Variants in GAS6 observed in about 807,000 individuals in gnomAD.
GAS6 encodes growth arrest-specific protein 6.
Under a neutral mutation model 75.8 loss-of-function variants are expected in GAS6, and 41 were observed. The ratio of observed to expected loss-of-function variants is 0.54; its 90% CI spans 0.42 to 0.70. GAS6 has a LOEUF of 0.70. Ranked by LOEUF, GAS6 falls within the 30% of genes least tolerant of loss-of-function variation. The pLI, the probability that GAS6 is intolerant of heterozygous loss-of-function variation, is 0.00. For missense variants in GAS6, 854 were observed against 940.2 expected (o/e 0.91, Z 1.20); for synonymous variants, 432 against 412.6 (o/e 1.05, Z -0.57).
At position 113,824,878 on chromosome 13, in the gene GAS6, C is replaced by A. The variant is rs7399621; in HGVS notation, c.1478-1328G>T. 5.9e-5 allele frequency among the ~76,000 whole-genome samples: 9 copies of A among 151,936 alleles called. 1 individual carries two copies. The highest frequency in any genetic ancestry group is 5.2e-4 in the Admixed American group (8 of 15,282). ...TAACAACAAAAAGTCTCCTGTTTGCCGGTCTTCCCATAACCTGTGAAGGGA... is the reference window on the plus strand; with the variant it reads ...TAACAACAAAAAGTCTCCTGTTTGCAGGTCTTCCCATAACCTGTGAAGGGA... On this transcript the variant is annotated intron_variant, in intron 12 of 14. Coordinates refer to ENST00000327773, the MANE Select transcript of GAS6 (RefSeq NM_000820.4).
At position 113,863,791 on chromosome 13, in the gene GAS6, T is replaced by A; in HGVS notation, c.88+42A>T. 1 of 1,401,256 alleles carries A rather than the reference T, an allele frequency of 7.1e-7. No individual in the cohort carries two copies. Among genetic ancestry groups the A allele is most frequent in the Non-Finnish European group, 9.2e-7 (1 of 1,089,384 alleles). The allele number at this position is 1,401,256 out of a possible 1,614,324, so 86.8% of individuals were successfully genotyped here. Reference sequence around the variant, plus strand: ...GCGTCAAGCCGCGCCCGGAGCCTCCTCCCGCCGCCCGGGGACGGGGTCTCG... The same window carrying A: ...GCGTCAAGCCGCGCCCGGAGCCTCCACCCGCCGCCCGGGGACGGGGTCTCG... On this transcript the variant is annotated intron_variant, in intron 1 of 14. Coordinates refer to ENST00000327773, the MANE Select transcript of GAS6 (RefSeq NM_000820.4). This position sits in a 1 kb window ranked among gnomAD's most constrained non-coding sequence, Gnocchi z 9.4.
At chr13:113,824,973 AT>A (rs1429552235) in intron 12 of GAS6, among the ~76,000 whole-genome samples, 1 of 152,038 alleles carries the variant, frequency 6.6e-6, no homozygotes, top group Non-Finnish European at 1.5e-5. Context: ...AATCCTAGCA[AT>A]TTGGGAGGCT....
intron 2 of GAS6, among the ~76,000 whole-genome samples, chr13:113,858,845 GTA>G (rs961653537): frequency 8.6e-6 from 1 of 115,690 alleles, no homozygotes; most frequent in African/African-American, 4.9e-5. Context: ...ATGTCTGTTA[GTA>G]TGTGTGTCAT....
At chr13:113,856,199 C>T (rs1481789496) in intron 2 of GAS6, among the ~76,000 whole-genome samples, 5 of 152,234 alleles carry the variant, frequency 3.3e-5, no homozygotes, top group Admixed American at 6.5e-5. Flanking sequence ...GTGCTTTATG[C>T]GCCCACACCA....
intron 11 of GAS6, among the ~76,000 whole-genome samples, chr13:113,827,827 C>T (rs191926793): frequency 1.5e-3 from 224 of 152,272 alleles, no homozygotes; most frequent in Non-Finnish European, 2.1e-3. Flanking sequence ...GGGGCACGGG[C>T]GTGTGCTGTG....
Position 113,838,139 on chromosome 13 carries a change from G to C in GAS6, c.519C>G (p.Asn173Lys), listed in dbSNP as rs2051736316. 2 of 1,612,826 alleles carry C rather than the reference G, an allele frequency of 1.2e-6. No homozygotes were observed. The highest frequency in any genetic ancestry group is 8.5e-7 in the Non-Finnish European group (1 of 1,179,928). Reference protein sequence around the residue: ...ENGGCLQICHNKPGSFHCSCH... With the variant: ...ENGGCLQICHKKPGSFHCSCH... Reference sequence around the variant, plus strand: ...AGGAACAGTGGAAGCTACCCGGCTTGTTGTGGCAGATCTGGAGGCAGCCCC... The same window carrying C: ...AGGAACAGTGGAAGCTACCCGGCTTCTTGTGGCAGATCTGGAGGCAGCCCC... Residue 173 changes from asparagine (N) to lysine (K), a missense_variant, in exon 6 of 15, where the codon AAC becomes AAG. Transcript: ENST00000327773.
In GAS6 at chr13:113,835,968, C is replaced by T. The variant is rs979951151; in HGVS notation, c.590-333G>A. 6 of 1,082,250 alleles carry T rather than the reference C, an allele frequency of 5.5e-6. No individual in the cohort carries two copies. In the South Asian group the frequency reaches 1.3e-4, roughly 23 times the overall value. 67.0% of individuals were successfully genotyped at this position (1,082,250 alleles called of 1,614,324 possible). A position where few individuals can be genotyped will look rare whatever the true frequency, so the allele number is the denominator to read the frequency against. ...ATGACGGTGCTACAGGACACGGGGC[C>T]GTAAAAAGTAACCCCCCGGGGGCAT... On this transcript the variant is annotated intron_variant, in intron 6 of 14. Coordinates refer to ENST00000327773, the MANE Select transcript of GAS6 (RefSeq NM_000820.4).
chr13:113,846,683 C>T, intron 3 of GAS6, 94 bp from the exon 4 acceptor site: 1 of 977,470 alleles, frequency 1.0e-6, no homozygotes, highest in East Asian at 2.4e-5. Flanking sequence ...GAGGCAGTTA[C>T]TCTGCTTACC....
chr13:113,826,261 G>A (rs910095238), intron 12 of GAS6, among the ~76,000 whole-genome samples: 1 of 152,200 alleles, frequency 6.6e-6, no homozygotes, highest in East Asian at 1.9e-4. Context: ...CTGTCTCACC[G>A]GGTCATCGGT....
chr13:113,828,127 G>A (rs186877688), intron 11 of GAS6, among the ~76,000 whole-genome samples: 2,075 of 152,220 alleles, frequency 0.014, 25 homozygotes, highest in Non-Finnish European at 0.023. Context: ...AGCCGGACGT[G>A]GTGGCGGGCG....
chr13:113,859,555 C>T (rs547701780), intron 2 of GAS6, among the ~76,000 whole-genome samples: 3 of 149,450 alleles, frequency 2.0e-5, no homozygotes, highest in Admixed American at 2.0e-4. Context: ...TGTGTGTGTA[C>T]GTATATCTAT....
chr13:113,847,727 G>A (rs764502393), intron 3 of GAS6: 5 of 425,530 alleles, frequency 1.2e-5, no homozygotes, highest in African/African-American at 4.1e-5. Flanking sequence ...TCAGAAAACC[G>A]GAGGACAAAA....
chr13:113,824,389 G>C lies in GAS6; in HGVS notation c.1478-839C>G, dbSNP rs1200839063. 2.8e-5 allele frequency among the ~76,000 whole-genome samples: 4 copies of C among 143,076 alleles called. No homozygotes were observed. The East Asian group carries it at 8.3e-4, about 30-fold the overall frequency. 93.9% of individuals were successfully genotyped at this position (143,076 alleles called of 152,430 possible). ...GTCTGAGCTGTCAGGAGCACGCGCGGTCTGGGGTCTGAGCTGTCAGGAGCA... is the reference window on the plus strand; with the variant it reads ...GTCTGAGCTGTCAGGAGCACGCGCGCTCTGGGGTCTGAGCTGTCAGGAGCA... On this transcript the variant is annotated intron_variant, in intron 12 of 14. Transcript: ENST00000327773.
chr13:113,822,562 C>T (rs750479135), intron 13 of GAS6: 4 of 195,618 alleles, frequency 2.0e-5, no homozygotes, highest in Non-Finnish European at 4.1e-5. Flanking sequence ...GTGGCGGCCT[C>T]CCAGCCCGGT....
chr13:113,834,543 C>T lies in GAS6; in HGVS notation c.834+8G>A, dbSNP rs775505398. On this transcript the variant is annotated splice_region_variant and intron_variant, in intron 8 of 14. Coordinates refer to ENST00000327773, the MANE Select transcript of GAS6 (RefSeq NM_000820.4). ...CGTGAAGGGCCCGCGGGGCCAGGGG[C>T]CGCCTACCTCACAGGTGTCCATGTC... 1.3e-6 allele frequency: 2 copies of T among 1,555,278 alleles called. No homozygotes were observed. Among genetic ancestry groups the T allele is most frequent in the South Asian group, 1.2e-5 (1 of 82,834 alleles).
At chr13:113,834,807 T>TG (rs1410159892) in intron 7 of GAS6, 135 bp from the exon 8 acceptor site, 2 of 1,020,042 alleles carry the variant, frequency 2.0e-6, no homozygotes, top group East Asian at 3.0e-5. Flanking sequence ...GGGGGCGGCT[T>TG]GGGGGTCGCG....
At chr13:113,842,420 A>G in intron 4 of GAS6, 1 of 394,916 alleles carries the variant, frequency 2.5e-6, no homozygotes. Flanking sequence ...GAGGACCAGG[A>G]CCAGGGATTC....
At chr13:113,861,661 GCT>G (rs1300111546) in intron 2 of GAS6, among the ~76,000 whole-genome samples, 17 of 152,176 alleles carry the variant, frequency 1.1e-4, no homozygotes, top group African/African-American at 4.1e-4. Flanking sequence ...GGCCTGGTGT[GCT>G]GGAGCCGGCT....
chr13:113,827,048 C>A lies in GAS6; in HGVS notation c.1425G>T (p.Glu475Asp). 6.2e-7 allele frequency: 1 copy of A among 1,613,544 alleles called. No homozygotes were observed. Among genetic ancestry groups the A allele is most frequent in the South Asian group, 1.1e-5 (1 of 91,068 alleles). ...CGCTCCCGGGGTAGAAAGAGCCTCT[C>A]TCCGTCACCGAGAAGCACTGCATCC... Reference protein sequence around the residue: ...NTRMQCFSVTERGSFYPGSGF... With the variant: ...NTRMQCFSVTDRGSFYPGSGF... The change falls in exon 12 of 15, where the codon GAG (glutamate) becomes GAT (aspartate). Residue 475 changes from glutamate (E) to aspartate (D), a missense_variant. Physicochemically the swap from Glu to Asp is conservative, Grantham distance 45 (BLOSUM62 2). Transcript: ENST00000327773.
Sources: allele counts gnomAD v4.1 joint callset (sites outside exome capture counted in the v4.1 genomes callset), GRCh38; gene constraint gnomAD v4.1.1; non-coding constraint Gnocchi (gnomAD v3.1); transcripts MANE v1.5; gene names NCBI Gene and HGNC (gene_info 2026-07-23, HGNC 2026-07-21).